Variants in CCDC38 observed in about 807,000 individuals in gnomAD.
CCDC38 encodes the protein coiled-coil domain-containing protein 38.
CCDC38 carries 69 observed loss-of-function variants against 72.8 expected under a neutral mutation model. The ratio of observed to expected loss-of-function variants is 0.95; its 90% CI spans 0.78 to 1.16. CCDC38 has a LOEUF of 1.16. Among genes scored for constraint, CCDC38 ranks in the 50% most tolerant of loss-of-function variants. The pLI, the probability that CCDC38 is intolerant of heterozygous loss-of-function variation, is 0.00. For synonymous variants in CCDC38, 201 were observed against 213.2 expected, an observed-to-expected ratio of 0.94 and a Z score of 0.50; for missense variants, 626 against 638.9, an observed-to-expected ratio of 0.98 and a Z score of 0.22.
chr12:95,932,865 A>G lies in CCDC38; in HGVS notation c.37+3608T>C, dbSNP rs537816325. ...GGATGGGGAGATTGCTCTGCTGTGT[A>G]TCATTATGGAGCTACAGTAAAGGGA... is the stretch of plus-strand genomic sequence containing the variant. On this transcript the variant is annotated intron_variant, in intron 2 of 15. Transcript: ENST00000344280. Among the ~76,000 whole-genome samples the G allele has an allele frequency of 1.6e-4, 25 of 152,326 alleles. No individual in the cohort carries two copies. The South Asian group carries it at 4.1e-3, about 25-fold the overall frequency.
At chr12:95,907,195 C>A (rs1323322279) in intron 4 of CCDC38, among the ~76,000 whole-genome samples, 2 of 143,962 alleles carry the variant, frequency 1.4e-5, no homozygotes, top group Non-Finnish European at 3.0e-5. Context: ...TAGTACAGAA[C>A]AAAATGAAAA....
At position 95,879,057 on chromosome 12, in the gene CCDC38, T is replaced by C. The variant is rs1432906769; in HGVS notation, c.1142+587A>G. On this transcript the variant is annotated intron_variant, in intron 12 of 15. Coordinates refer to ENST00000344280, the MANE Select transcript of CCDC38 (RefSeq NM_182496.3). This position sits in a 1 kb window ranked among gnomAD's most constrained non-coding sequence, Gnocchi z 5.5. ...TTTGCAATGAGTAGATACAAAGATT[T>C]ATTCTCTGTAATTCAATTCTTTTTC... Among the ~76,000 whole-genome samples, 3 of 152,220 alleles carry C rather than the reference T, an allele frequency of 2.0e-5. No individual in the cohort carries two copies. Among genetic ancestry groups the C allele is most frequent in the South Asian group, 4.1e-4 (2 of 4,828 alleles).
At chr12:95,922,797 A>G (rs2080223594) in intron 2 of CCDC38, among the ~76,000 whole-genome samples, 1 of 152,078 alleles carries the variant, frequency 6.6e-6, no homozygotes, top group South Asian at 2.1e-4. Context: ...CAAAGCCAAC[A>G]GGCTGAAGAC....
chr12:95,873,852 T>C (rs2079607851), intron 13 of CCDC38, among the ~76,000 whole-genome samples: 1 of 152,246 alleles, frequency 6.6e-6, no homozygotes, highest in Non-Finnish European at 1.5e-5. Context: ...ACAGCTTTTC[T>C]CTTCCACCTC....
At chr12:95,918,781 A>T in intron 3 of CCDC38, 95 bp downstream of exon 3, 1 of 766,176 alleles carries the variant, frequency 1.3e-6, no homozygotes, top group Non-Finnish European at 2.2e-6. Context: ...CGTCTAGTTG[A>T]CTCCATGTCT....
chr12:95,908,399 T>C (rs1460817803), intron 4 of CCDC38, among the ~76,000 whole-genome samples: 2 of 139,172 alleles, frequency 1.4e-5, no homozygotes, highest in African/African-American at 5.4e-5. Flanking sequence ...TGCAGTGAGC[T>C]GAGATGGCAG....
At chr12:95,932,091 A>C (rs1181958552) in intron 2 of CCDC38, among the ~76,000 whole-genome samples, 1 of 152,160 alleles carries the variant, frequency 6.6e-6, no homozygotes, top group Non-Finnish European at 1.5e-5. Flanking sequence ...AATGACCCTC[A>C]GTAAACCAGA....
chr12:95,883,956 T>C (rs2121438143), intron 10 of CCDC38, among the ~76,000 whole-genome samples: 1 of 152,326 alleles, frequency 6.6e-6, no homozygotes, highest in East Asian at 1.9e-4. Context: ...TGATAGAGTA[T>C]GCACATCTAC....
At chr12:95,871,555 C>T (rs1422929330) in intron 14 of CCDC38, among the ~76,000 whole-genome samples, 1 of 152,058 alleles carries the variant, frequency 6.6e-6, no homozygotes, top group Non-Finnish European at 1.5e-5. Flanking sequence ...TGAAAGGCCC[C>T]GGTCAGGCCA....
At chr12:95,869,124 G>C (rs1317688297) in intron 15 of CCDC38, among the ~76,000 whole-genome samples, 2 of 152,164 alleles carry the variant, frequency 1.3e-5, no homozygotes, top group African/African-American at 4.8e-5. Flanking sequence ...TCAGGAAGGG[G>C]AACTGAGGAA....
At chr12:95,937,715 G>A (rs1319316477) in intron 1 of CCDC38, among the ~76,000 whole-genome samples, 1 of 152,142 alleles carries the variant, frequency 6.6e-6, no homozygotes, top group African/African-American at 2.4e-5. Flanking sequence ...TAAGAACACA[G>A]ACTTTGGACA....
chr12:95,913,247 C>T (rs1387855097), intron 4 of CCDC38, among the ~76,000 whole-genome samples: 2 of 152,194 alleles, frequency 1.3e-5, no homozygotes, highest in African/African-American at 4.8e-5. Context: ...TCAGCTTCCT[C>T]ATTTGTGAAA....
intron 1 of CCDC38, among the ~76,000 whole-genome samples, chr12:95,939,503 G>A (rs1015012160): frequency 6.6e-6 from 1 of 152,202 alleles, no homozygotes; most frequent in Non-Finnish European, 1.5e-5. Context: ...AGTGGAAGTG[G>A]TGAGAGGTGG....
chr12:95,936,896 G>A (rs1045266007), intron 1 of CCDC38, among the ~76,000 whole-genome samples: 1 of 152,140 alleles, frequency 6.6e-6, no homozygotes, highest in Non-Finnish European at 1.5e-5. Context: ...GGATAGTGTG[G>A]ATTAAAAAAT....
Position 95,879,765 on chromosome 12 carries a change from C to A in CCDC38, c.1021G>T (p.Glu341Ter). The A allele has an allele frequency of 1.2e-6, 2 of 1,608,594 alleles. No individual in the cohort carries two copies. Among genetic ancestry groups the A allele is most frequent in the South Asian group, 1.1e-5 (1 of 90,384 alleles). ...EPALYFKEPE[E>*]LLQVLRELEE... is the part of the protein sequence containing the mutation. ...AGCTCTCTGAGGACTTGAAGTAACT[C>A]CTCTGGTTCCTTGAAATAAAGTGCT... The change falls in exon 12 of 16, where the codon GAG (glutamate) becomes TAG (stop). Residue 341 changes from glutamate to a stop codon, truncating the protein, a stop_gained. Coordinates refer to ENST00000344280, the MANE Select transcript of CCDC38 (RefSeq NM_182496.3). LOFTEE classifies it high-confidence loss of function. This position sits in a 1 kb window ranked among gnomAD's most constrained non-coding sequence, Gnocchi z 5.5.
intron 2 of CCDC38, chr12:95,919,539 T>C: frequency 2.2e-6 from 1 of 456,084 alleles, no homozygotes; most frequent in Non-Finnish European, 4.4e-6. Context: ...AACAGTAGAA[T>C]GCAGATAGCC....
At chr12:95,908,436 C>T (rs1467482434) in intron 4 of CCDC38, among the ~76,000 whole-genome samples, 1 of 60,452 alleles carries the variant, frequency 1.7e-5, no homozygotes, top group Non-Finnish European at 2.9e-5. Context: ...CAGAGGGAGA[C>T]CGTGGAAAGA....
chr12:95,892,860 C>A (rs1347179098), intron 8 of CCDC38, among the ~76,000 whole-genome samples: 1 of 152,104 alleles, frequency 6.6e-6, no homozygotes, highest in Non-Finnish European at 1.5e-5. Flanking sequence ...TGAGCCACCA[C>A]ACCCGGACTT....
At chr12:95,928,405 C>T (rs1391309744) in intron 2 of CCDC38, among the ~76,000 whole-genome samples, 1 of 152,110 alleles carries the variant, frequency 6.6e-6, no homozygotes, top group African/African-American at 2.4e-5. Context: ...CCTTTAAGCA[C>T]TTCTCTGTAT....
Sources: allele counts gnomAD v4.1 joint callset (sites outside exome capture counted in the v4.1 genomes callset), GRCh38; gene constraint gnomAD v4.1.1; non-coding constraint Gnocchi (gnomAD v3.1); transcripts MANE v1.5; gene names NCBI Gene and HGNC (gene_info 2026-07-23, HGNC 2026-07-21).